The following THEMIS variants were observed in gnomAD, a reference collection of about 807,000 sequenced individuals.
The protein encoded by THEMIS is protein THEMIS.
THEMIS carries 37 observed loss-of-function variants against 52.6 expected under a neutral mutation model. The observed-to-expected ratio is 0.70, with a 90% CI of 0.54 to 0.93. THEMIS has a LOEUF of 0.93. THEMIS is among the 40% of genes least tolerant of loss of function. The pLI, the probability that THEMIS is intolerant of heterozygous loss-of-function variation, is 0.00. For missense variants in THEMIS, 808 were observed against 763.1 expected, an observed-to-expected ratio of 1.06 and a Z score of -0.69; for synonymous variants, 292 against 272.7, an observed-to-expected ratio of 1.07 and a Z score of -0.70.
downstream of THEMIS, among the ~76,000 whole-genome samples, chr6:127,707,758 A>G (rs940595769): frequency 1.3e-5 from 2 of 152,098 alleles, no homozygotes; most frequent in African/African-American, 4.8e-5. Flanking sequence ...CTTTGGTTAA[A>G]CACCTAAAAG....
chr6:127,788,098 C>T (rs909209908), intron 4 of THEMIS, among the ~76,000 whole-genome samples: 2 of 152,170 alleles, frequency 1.3e-5, no homozygotes, highest in Non-Finnish European at 2.9e-5. Context: ...TTGGCTGGCA[C>T]ATTGACCCAT....
intron 4 of THEMIS, among the ~76,000 whole-genome samples, chr6:127,735,310 CGTGT>C (rs1774966333): frequency 7.0e-6 from 1 of 143,064 alleles, no homozygotes; most frequent in African/African-American, 2.6e-5. Flanking sequence ...CAAATAGGGG[CGTGT>C]GTGCGTGTGT....
intron 4 of THEMIS, among the ~76,000 whole-genome samples, chr6:127,770,539 G>A (rs1239648443): frequency 6.6e-6 from 1 of 151,958 alleles, no homozygotes; most frequent in Non-Finnish European, 1.5e-5. Context: ...TTGTCACAGG[G>A]GTAGATTGCA....
chr6:127,788,569 A>G (rs1777054789), intron 4 of THEMIS, among the ~76,000 whole-genome samples: 1 of 152,256 alleles, frequency 6.6e-6, no homozygotes, highest in Non-Finnish European at 1.5e-5. Context: ...GGACAGTAAG[A>G]AGGTACTCAA....
Position 127,897,392 on chromosome 6 carries a change from CAA to C in THEMIS, c.91+3448_91+3449del, listed in dbSNP as rs945664192. Among the ~76,000 whole-genome samples, 103 of 151,148 alleles carry C rather than the reference CAA, an allele frequency of 6.8e-4. 1 individual carries two copies. The highest frequency in any genetic ancestry group is 2.3e-3 in the African/African-American group (97 of 41,382). ...AGTAATTTGCAACACAGAAAATTGA[CAA>C]AGAGTAAATATCCCAAATATATATA... On this transcript the variant is annotated intron_variant, in intron 1 of 5. Coordinates refer to ENST00000368248, the MANE Select transcript of THEMIS (RefSeq NM_001010923.3).
intron 4 of THEMIS, among the ~76,000 whole-genome samples, chr6:127,771,207 A>T (rs895545824): frequency 1.3e-5 from 2 of 152,182 alleles, no homozygotes; most frequent in African/African-American, 4.8e-5. Flanking sequence ...TCAAACTTAC[A>T]AGGGATGTGA....
At chr6:127,837,617 T>A (rs921838942) in intron 2 of THEMIS, among the ~76,000 whole-genome samples, 7 of 151,952 alleles carry the variant, frequency 4.6e-5, no homozygotes, top group African/African-American at 1.4e-4. Flanking sequence ...TGTGTATATA[T>A]GTATGCATAT....
At chr6:127,726,772 A>C (rs1774561407) in intron 4 of THEMIS, among the ~76,000 whole-genome samples, 1 of 152,180 alleles carries the variant, frequency 6.6e-6, no homozygotes, top group South Asian at 2.1e-4. Flanking sequence ...AAGAATTTTC[A>C]TCTACAATAC....
intron 4 of THEMIS, among the ~76,000 whole-genome samples, chr6:127,777,277 C>A (rs1029905156): frequency 1.3e-5 from 2 of 149,756 alleles, no homozygotes; most frequent in Non-Finnish European, 3.0e-5. Context: ...TTTGTTTTAT[C>A]TACACAATTA....
chr6:127,902,324 C>CAAAAAAAAAAAAA (rs35320887), upstream of THEMIS, among the ~76,000 whole-genome samples: 2 of 109,748 alleles, frequency 1.8e-5, no homozygotes, highest in Non-Finnish European at 1.9e-5. Context: ...GACTCTGTCT[C>CAAAAAAAAAAAAA]AAAAAAAAAA....
In THEMIS at chr6:127,862,041, A is replaced by C. The variant is rs9491882; in HGVS notation, c.92-6853T>G. Among the ~76,000 whole-genome samples the C allele has an allele frequency of 6.6e-5, 10 of 152,278 alleles. No homozygotes were observed. In the East Asian group the frequency reaches 1.9e-3, roughly 29 times the overall value. On this transcript the variant is annotated intron_variant, in intron 1 of 5. Coordinates refer to ENST00000368248, the MANE Select transcript of THEMIS (RefSeq NM_001010923.3). ...CGGATAGTTTTGGAAGCACTTCCAGAAGGAATTAAGTGCAAACATATGATC... is the reference window on the plus strand; with the variant it reads ...CGGATAGTTTTGGAAGCACTTCCAGCAGGAATTAAGTGCAAACATATGATC...
At chr6:127,799,533 TTCTTTCTTTCTTTCTTTCTA>T (rs1777451463) in intron 4 of THEMIS, among the ~76,000 whole-genome samples, 1 of 74,586 alleles carries the variant, frequency 1.3e-5, no homozygotes, top group South Asian at 3.1e-4. Context: ...TTCTTTCTCT[TTCTTTCTTTCTTTCTTTCTA>T]TCTTTCTTTC....
chr6:127,859,266 T>A (rs1048720465), intron 1 of THEMIS, among the ~76,000 whole-genome samples: 32 of 152,150 alleles, frequency 2.1e-4, no homozygotes, highest in African/African-American at 7.5e-4. Flanking sequence ...AGCCCATATT[T>A]ATCATTTTCT....
chr6:127,721,020 A>T (rs775973911), intron 4 of THEMIS, among the ~76,000 whole-genome samples: 1 of 151,908 alleles, frequency 6.6e-6, no homozygotes, highest in Admixed American at 6.6e-5. Flanking sequence ...TTCTGGCCCA[A>T]TAGGATATTG....
At chr6:127,698,202 G>T in the THEMIS span, among the ~76,000 whole-genome samples, 2 of 152,074 alleles carry the variant, frequency 1.3e-5, no homozygotes, top group East Asian at 3.8e-4. Flanking sequence ...ACAACCTATT[G>T]TGAATAGGCA....
chr6:127,805,479 C>T (rs984197536), intron 4 of THEMIS, among the ~76,000 whole-genome samples: 3 of 151,950 alleles, frequency 2.0e-5, no homozygotes, highest in Non-Finnish European at 2.9e-5. Context: ...TATGGGCCCT[C>T]CGGTCTCTTA....
chr6:127,734,868 CAAAAAAAAA>C (rs1197660495), intron 4 of THEMIS, among the ~76,000 whole-genome samples: 18 of 32,928 alleles, frequency 5.5e-4, no homozygotes, highest in African/African-American at 2.6e-3. Flanking sequence ...GGCTCTGTCT[CAAAAAAAAA>C]AAAAAAAAAA....
intron 4 of THEMIS, among the ~76,000 whole-genome samples, chr6:127,764,272 C>A (rs1460635532): frequency 6.6e-6 from 1 of 151,632 alleles, no homozygotes; most frequent in Non-Finnish European, 1.5e-5. Context: ...AGTCATTTGC[C>A]AAAATTTAGC....
At chr6:127,730,183 C>T (rs1774716129) in intron 4 of THEMIS, among the ~76,000 whole-genome samples, 1 of 151,564 alleles carries the variant, frequency 6.6e-6, no homozygotes, top group African/African-American at 2.4e-5. Context: ...TGGAGGATTG[C>T]TTTAGTCTAG....
Sources: allele counts gnomAD v4.1 joint callset (sites outside exome capture counted in the v4.1 genomes callset), GRCh38; gene constraint gnomAD v4.1.1; transcripts MANE v1.5; gene names NCBI Gene and HGNC (gene_info 2026-07-23, HGNC 2026-07-21).